Variants in FADS6 observed in about 807,000 individuals in gnomAD.
FADS6 encodes fatty acid desaturase domain family, member 6.
A neutral mutation model predicts 31.7 loss-of-function variants in FADS6; 28 were observed. That is an observed-to-expected ratio of 0.88 (90% confidence interval 0.66 to 1.21). FADS6 has a LOEUF of 1.21. Ranked by LOEUF, FADS6 falls within the 50% of genes most tolerant of loss-of-function variation. FADS6 has a pLI of 0.00. For missense variants in FADS6, 494 were observed against 504.2 expected, an observed-to-expected ratio of 0.98 and a Z score of 0.19; for synonymous variants, 191 against 213.1, an observed-to-expected ratio of 0.90 and a Z score of 0.90.
chr17:74,886,486 A>G (rs1325197348), intron 2 of FADS6, among the ~76,000 whole-genome samples: 2 of 147,130 alleles, frequency 1.4e-5, no homozygotes. Flanking sequence ...AAAAAAAACT[A>G]AAAGAGGAAA....
downstream of FADS6, among the ~76,000 whole-genome samples, chr17:74,876,251 G>A (rs1002332616): frequency 2.6e-5 from 4 of 152,194 alleles, no homozygotes; most frequent in East Asian, 1.9e-4. Flanking sequence ...CCCATTTGCC[G>A]GCAGTTTGTC....
At chr17:74,883,127 G>A (rs958498300) in intron 2 of FADS6, among the ~76,000 whole-genome samples, 9 of 152,218 alleles carry the variant, frequency 5.9e-5, no homozygotes, top group East Asian at 5.8e-4. Flanking sequence ...CTCTCAGCCC[G>A]GAGCAGCAGC....
At chr17:74,893,272 C>T in intron 1 of FADS6, 80 bp downstream of exon 1, 1 of 1,409,676 alleles carries the variant, frequency 7.1e-7, no homozygotes, top group Non-Finnish European at 9.3e-7. Context: ...GCTGCTGTTG[C>T]AGACCCCGCG....
rs772482043 is a variant in FADS6 at position 74,892,558 on chromosome 17, G to A, written c.376C>T (p.Arg126Cys). The change falls in exon 2 of 6, where the codon CGC becomes TGC. Residue 126 changes from arginine (R) to cysteine (C), a missense_variant. Coordinates refer to ENST00000612771, the MANE Select transcript of FADS6 (RefSeq NM_178128.6). ...ATHGALTESK[R>C]WSKIWLLFFV... ...AAAAGCAGCCAGATCTTGCTCCAGCGTTTGGACTCGGTGAGGGCCCCATGA... is the reference window on the plus strand; with the variant it reads ...AAAAGCAGCCAGATCTTGCTCCAGCATTTGGACTCGGTGAGGGCCCCATGA... 1.2e-6 allele frequency: 2 copies of A among 1,613,408 alleles called. No homozygotes were observed. The highest frequency in any genetic ancestry group is 8.5e-7 in the Non-Finnish European group (1 of 1,179,626).
intron 1 of FADS6, 139 bp from the exon 2 acceptor site, chr17:74,892,828 TC>T: frequency 2.4e-6 from 2 of 836,740 alleles, no homozygotes; most frequent in African/African-American, 1.7e-5. Flanking sequence ...GTGAGGCAGG[TC>T]CCACTGTGGC....
chr17:74,879,410 G>A lies in FADS6; in HGVS notation c.954C>T (p.Cys318=). 6.2e-7 allele frequency: 1 copy of A among 1,613,580 alleles called. No homozygotes were observed. Among genetic ancestry groups the A allele is most frequent in the Non-Finnish European group, 8.5e-7 (1 of 1,179,706 alleles). ...CAGCCCAGCCCTCGACTACCTTCAG[G>A]CACATGTTATCAGAGAGCCTGGGGA... The part of the protein sequence containing the change: ...HLFPRLSDNM[C]LKVKPVVSQF... Residue 318 remains cysteine (C), a synonymous_variant, in exon 5 of 6, where the codon TGC becomes TGT. Transcript: ENST00000612771.
At chr17:74,876,418 C>T (rs1486339851), downstream of FADS6, among the ~76,000 whole-genome samples, 1 of 152,120 alleles carries the variant, frequency 6.6e-6, no homozygotes, top group Non-Finnish European at 1.5e-5. Flanking sequence ...GAGCTCCCAG[C>T]ATCTAGTAGG....
At chr17:74,891,395 TTA>T (rs2144726805) in intron 2 of FADS6, among the ~76,000 whole-genome samples, 1 of 152,154 alleles carries the variant, frequency 6.6e-6, no homozygotes, top group South Asian at 2.1e-4. Context: ...TGACCCAGCA[TTA>T]TGACACAGTC....
intron 2 of FADS6, among the ~76,000 whole-genome samples, chr17:74,891,112 ATTTT>A (rs72258963): frequency 3.7e-4 from 45 of 123,128 alleles, no homozygotes; most frequent in Admixed American, 1.5e-3. Flanking sequence ...TTTCTTTTTG[ATTTT>A]TTTTTTTTTT....
chr17:74,883,534 C>T (rs1193152873), intron 2 of FADS6, among the ~76,000 whole-genome samples: 2 of 152,206 alleles, frequency 1.3e-5, no homozygotes, highest in Non-Finnish European at 2.9e-5. Flanking sequence ...CGGAACACCC[C>T]CGCAGAGGGC....
chr17:74,882,224 C>T (rs2038577769), intron 3 of FADS6, among the ~76,000 whole-genome samples: 1 of 152,216 alleles, frequency 6.6e-6, no homozygotes, highest in Non-Finnish European at 1.5e-5. Flanking sequence ...GTGTCAGCCA[C>T]CACACGCAGA....
At chr17:74,886,636 C>T (rs550895653) in intron 2 of FADS6, among the ~76,000 whole-genome samples, 1 of 152,234 alleles carries the variant, frequency 6.6e-6, no homozygotes, top group East Asian at 1.9e-4. Flanking sequence ...AAACACATTA[C>T]CTATTTGAAA....
At chr17:74,882,966 C>A in intron 2 of FADS6, 1 of 896,892 alleles carries the variant, frequency 1.1e-6, no homozygotes, top group Non-Finnish European at 1.6e-6. Context: ...AGGCTGGACC[C>A]CTGGAGTGCC....
intron 2 of FADS6, among the ~76,000 whole-genome samples, chr17:74,888,241 GA>G (rs1236220168): frequency 6.6e-6 from 1 of 151,862 alleles, no homozygotes; most frequent in Non-Finnish European, 1.5e-5. Flanking sequence ...ACTATTGCGT[GA>G]AATTGGATGA....
rs540958866 is a variant in FADS6 at position 74,879,806 on chromosome 17, G to A, written c.781-223C>T. ...TCCCTCCCCATCTGAACAGTGAGGGGCTTAGCCTGCACACCTCTCAGGTCC... is the reference window on the plus strand; with the variant it reads ...TCCCTCCCCATCTGAACAGTGAGGGACTTAGCCTGCACACCTCTCAGGTCC... On this transcript the variant is annotated intron_variant, in intron 4 of 5. Transcript: ENST00000612771. Among the ~76,000 whole-genome samples, 3 of 152,284 alleles carry A rather than the reference G, an allele frequency of 2.0e-5. 1 individual carries two copies. In the South Asian group the frequency reaches 6.2e-4, roughly 32 times the overall value.
intron 2 of FADS6, among the ~76,000 whole-genome samples, chr17:74,886,387 G>A (rs947682768): frequency 2.7e-5 from 4 of 147,692 alleles, no homozygotes; most frequent in East Asian, 2.0e-4. Context: ...TGAAACCCAC[G>A]AGGTGGAGGC....
intron 1 of FADS6, 85 bp downstream of exon 1, chr17:74,893,267 T>A: frequency 2.2e-6 from 3 of 1,381,404 alleles, no homozygotes; most frequent in Non-Finnish European, 2.8e-6. Context: ...CCACGGCTGC[T>A]GTTGCAGACC....
intron 5 of FADS6, 118 bp downstream of exon 5, chr17:74,879,286 C>T: frequency 3.1e-6 from 4 of 1,297,030 alleles, no homozygotes; most frequent in Non-Finnish European, 4.2e-6. Context: ...ATCTGCCCAC[C>T]TCAGCCTCCG....
chr17:74,891,161 C>T (rs2038684158), intron 2 of FADS6, among the ~76,000 whole-genome samples: 1 of 143,110 alleles, frequency 7.0e-6, no homozygotes, highest in Admixed American at 7.5e-5. Context: ...TCTCAGCCTC[C>T]TGAGTAGCTG....
Sources: allele counts gnomAD v4.1 joint callset (sites outside exome capture counted in the v4.1 genomes callset), GRCh38; gene constraint gnomAD v4.1.1; transcripts MANE v1.5; gene names NCBI Gene and HGNC (gene_info 2026-07-23, HGNC 2026-07-21).